Variants in CSMD3 observed in about 807,000 individuals in gnomAD.
The protein encoded by CSMD3 is CUB and sushi domain-containing protein 3.
CSMD3 carries 177 observed loss-of-function variants against 435.2 expected under a neutral mutation model. The observed-to-expected ratio is 0.41, with a 90% CI of 0.36 to 0.46. The LOEUF is 0.46. Ranked by LOEUF, CSMD3 falls within the 20% of genes least tolerant of loss-of-function variation. The pLI, the probability that CSMD3 is intolerant of heterozygous loss-of-function variation, is 0.34. For synonymous variants in CSMD3, 1,656 were observed against 1,520.5 expected (o/e 1.09, Z -2.07); for missense variants, 4,265 against 4,504.6 (o/e 0.95, Z 1.52).
intron 52 of CSMD3, 129 bp downstream of exon 52, chr8:112,304,592 C>T (rs751696350): frequency 2.7e-4 from 198 of 723,134 alleles, no homozygotes; most frequent in Non-Finnish European, 4.5e-4. Flanking sequence ...AAAAACGTAA[C>T]GAGAATAAAT....
At chr8:112,234,565 G>A (rs1813397588) in intron 67 of CSMD3, 88 bp from the exon 68 acceptor site, 1 of 783,388 alleles carries the variant, frequency 1.3e-6, no homozygotes, top group Non-Finnish European at 2.2e-6. Context: ...AATAGATTAT[G>A]TAAGATATGT....
chr8:112,758,367 A>G (rs550656678), intron 13 of CSMD3, among the ~76,000 whole-genome samples: 1 of 151,636 alleles, frequency 6.6e-6, no homozygotes, highest in African/African-American at 2.4e-5. Context: ...AAAAAAATTT[A>G]AAAAAGGAAA....
chr8:112,868,589 A>T (rs2081048747), intron 10 of CSMD3, among the ~76,000 whole-genome samples: 1 of 152,148 alleles, frequency 6.6e-6, no homozygotes, highest in South Asian at 2.1e-4. Context: ...TGGGACCAAG[A>T]TTGTATATGT....
intron 36 of CSMD3, among the ~76,000 whole-genome samples, chr8:112,389,445 C>T (rs1385917222): frequency 6.6e-6 from 1 of 152,110 alleles, no homozygotes; most frequent in Non-Finnish European, 1.5e-5. Flanking sequence ...TCAAATTTGA[C>T]AAATTGTCTA....
Position 112,265,550 on chromosome 8 carries a change from CA to C in CSMD3, c.9548del (p.Leu3183ArgfsTer25). 6.2e-7 allele frequency: 1 copy of C among 1,613,606 alleles called. No homozygotes were observed. Among genetic ancestry groups the C allele is most frequent in the Non-Finnish European group, 8.5e-7 (1 of 1,179,634 alleles). ...CGDPGIPANG[L>X]RYGDDYVVGQ... Reference sequence around the variant, plus strand: ...CAACCACATAATCATCTCCATATCTCAGTCCATTGGCTGGTATACCTGGGTC... The same window carrying C: ...CAACCACATAATCATCTCCATATCTCGTCCATTGGCTGGTATACCTGGGTC... On this transcript the variant is annotated frameshift_variant, in exon 60 of 71. Transcript: ENST00000297405. LOFTEE classifies it high-confidence loss of function.
At chr8:112,324,736 G>A (rs1360816994) in intron 45 of CSMD3, among the ~76,000 whole-genome samples, 1 of 151,948 alleles carries the variant, frequency 6.6e-6, no homozygotes, top group Non-Finnish European at 1.5e-5. Context: ...CCAATGGGAG[G>A]CCTTTAAAGA....
Position 112,292,637 on chromosome 8 carries a change from C to G in CSMD3, c.8688G>C (p.Val2896=), listed in dbSNP as rs1819879213. 6.2e-7 allele frequency: 1 copy of G among 1,613,646 alleles called. No homozygotes were observed. Among genetic ancestry groups the G allele is most frequent in the African/African-American group, 1.3e-5 (1 of 74,882 alleles). ...TSGNGFNFND[V]VTFSCNIGYL... The stretch of plus-strand genomic sequence containing the variant: ...ACCCAATATTGCATGAGAATGTTAC[C>G]ACATCATTAAAGTTGAACCCATTTC... Residue 2896 remains valine, a synonymous_variant, in exon 55 of 71, where the codon GTG becomes GTC. Coordinates refer to ENST00000297405, the MANE Select transcript of CSMD3 (RefSeq NM_198123.2).
intron 32 of CSMD3, among the ~76,000 whole-genome samples, chr8:112,464,680 A>G (rs185355044): frequency 5.7e-4 from 87 of 152,300 alleles, no homozygotes; most frequent in African/African-American, 2.0e-3. Flanking sequence ...ATGTAAAAAT[A>G]TGAAATGTCT....
intron 5 of CSMD3, among the ~76,000 whole-genome samples, chr8:113,073,166 A>G (rs2089198248): frequency 6.6e-6 from 1 of 151,840 alleles, no homozygotes; most frequent in South Asian, 2.1e-4. Flanking sequence ...TTGAGATACT[A>G]TTTGAGATTC....
chr8:112,309,457 C>G (rs953594743), intron 50 of CSMD3, among the ~76,000 whole-genome samples: 23 of 151,502 alleles, frequency 1.5e-4, no homozygotes, highest in African/African-American at 4.8e-4. Context: ...ATATTATAAG[C>G]TTATTTTATA....
intron 37 of CSMD3, 46 bp downstream of exon 37, chr8:112,383,521 T>A (rs1422210708): frequency 9.4e-7 from 1 of 1,068,438 alleles, no homozygotes; most frequent in Middle Eastern, 2.0e-4. Context: ...TTTTTTATAT[T>A]CCTAATTATA....
intron 47 of CSMD3, among the ~76,000 whole-genome samples, chr8:112,317,988 G>A (rs1360036571): frequency 1.3e-5 from 2 of 152,086 alleles, no homozygotes; most frequent in African/African-American, 4.8e-5. Context: ...GTTAGGCACT[G>A]TTCTGGGCCT....
chr8:113,039,197 A>G (rs1239008147), intron 5 of CSMD3, among the ~76,000 whole-genome samples: 3 of 152,266 alleles, frequency 2.0e-5, no homozygotes, highest in South Asian at 4.1e-4. Context: ...AAAAAAATTA[A>G]CCATGTTGTA....
At chr8:112,277,008 G>A (rs887265316) in intron 59 of CSMD3, among the ~76,000 whole-genome samples, 8 of 152,044 alleles carry the variant, frequency 5.3e-5, no homozygotes, top group African/African-American at 1.9e-4. Flanking sequence ...TGTGATGGGA[G>A]GAGCTGCCAC....
intron 18 of CSMD3, among the ~76,000 whole-genome samples, chr8:112,652,223 C>A (rs992309960): frequency 6.6e-6 from 1 of 152,076 alleles, no homozygotes; most frequent in Non-Finnish European, 1.5e-5. Flanking sequence ...AGATAAGTCT[C>A]CTCATTAGTT....
chr8:112,587,353 A>G, intron 22 of CSMD3, 118 bp from the exon 23 acceptor site: 4 of 734,106 alleles, frequency 5.4e-6, no homozygotes, highest in Non-Finnish European at 9.5e-6. Context: ...TAGAAAAATA[A>G]TATACAGAAT....
chr8:113,231,540 T>C (rs1400330899), intron 3 of CSMD3, among the ~76,000 whole-genome samples: 1 of 151,578 alleles, frequency 6.6e-6, no homozygotes, highest in African/African-American at 2.4e-5. Context: ...ACCAATGCTA[T>C]AATTTATTGT....
intron 27 of CSMD3, among the ~76,000 whole-genome samples, chr8:112,521,657 G>A (rs1455629102): frequency 6.6e-6 from 1 of 151,634 alleles, no homozygotes; most frequent in Admixed American, 6.6e-5. Context: ...TTAGCTTGAT[G>A]CCCCTGAAAT....
chr8:112,771,463 C>G (rs2078112484), intron 13 of CSMD3, among the ~76,000 whole-genome samples: 1 of 151,890 alleles, frequency 6.6e-6, no homozygotes, highest in Non-Finnish European at 1.5e-5. Context: ...CACTTGAAAC[C>G]AGGAGGTGGA....
Sources: allele counts gnomAD v4.1 joint callset (sites outside exome capture counted in the v4.1 genomes callset), GRCh38; gene constraint gnomAD v4.1.1; transcripts MANE v1.5; gene names NCBI Gene and HGNC (gene_info 2026-07-23, HGNC 2026-07-21).